SYTL2: variants seen among roughly 807,000 people sequenced by gnomAD.
SYTL2 encodes synaptotagmin like 2.
SYTL2 carries 165 observed loss-of-function variants against 198.7 expected under a neutral mutation model. That is an observed-to-expected ratio of 0.83 (90% CI 0.73 to 0.94). SYTL2 has a LOEUF of 0.94. Among genes scored for constraint, SYTL2 ranks in the 40% least tolerant of loss-of-function variants. The pLI is 0.00. For missense variants in SYTL2, 2,835 were observed against 2,582.8 expected (o/e 1.10, Z -2.12); for synonymous variants, 966 against 917.7 (o/e 1.05, Z -0.95).
intron 1 of SYTL2, among the ~76,000 whole-genome samples, chr11:85,806,796 A>C (rs572463064): frequency 6.6e-6 from 1 of 152,382 alleles, no homozygotes; most frequent in East Asian, 1.9e-4. Flanking sequence ...ACCCAGAATC[A>C]GACTTTTAAG....
chr11:85,836,043 T>C, the SYTL2 span, among the ~76,000 whole-genome samples: 1 of 152,182 alleles, frequency 6.6e-6, no homozygotes, highest in Non-Finnish European at 1.5e-5. Context: ...ACTTGTCTTC[T>C]GTCACCTGCG....
In SYTL2 at chr11:85,757,722, T is replaced by C. The variant is rs2091949011; in HGVS notation, c.4A>G (p.Ile2Val). The change falls in exon 2 of 20, where the codon ATT (isoleucine) becomes GTT (valine). Residue 2 changes from isoleucine (I) to valine (V), a missense_variant. By Grantham distance (29) the Ile-to-Val change is conservative (BLOSUM62 3). This residue lies in a region of SYTL2 where 2,645 missense variants were observed against 2,381.7 expected (regional missense o/e 1.11). Coordinates refer to ENST00000359152, the MANE Select transcript of SYTL2 (RefSeq NM_206927.4). ...TCTTCAGTCAGGAAGCTTAAGTCAATCATTTTGAAAAGTGCATGCAAAAAT... is the reference window on the plus strand; with the variant it reads ...TCTTCAGTCAGGAAGCTTAAGTCAACCATTTTGAAAAGTGCATGCAAAAAT... M[I>V]DLSFLTEEEQ... The C allele has an allele frequency of 6.2e-7, 1 of 1,612,268 alleles. No homozygotes were observed. Among genetic ancestry groups the C allele is most frequent in the Non-Finnish European group, 8.5e-7 (1 of 1,179,914 alleles).
At chr11:85,849,648 C>A in the SYTL2 span, among the ~76,000 whole-genome samples, 132 of 149,784 alleles carry the variant, frequency 8.8e-4, no homozygotes, top group African/African-American at 3.1e-3. Flanking sequence ...TGATCTATAT[C>A]TCTGTTTTGG....
Position 85,726,142 on chromosome 11 carries a change from A to G in SYTL2, c.3216T>C (p.Ser1072=), listed in dbSNP as rs766026432. Reference sequence around the variant, plus strand: ...ACTGATAAGTATACTTTCTAAGTGGACTCAAAGGAAATGTGATTTCATCTG... The same window carrying G: ...ACTGATAAGTATACTTTCTAAGTGGGCTCAAAGGAAATGTGATTTCATCTG... ...VLPDEITFPL[S]PLRKYTYQLP... The change falls in exon 8 of 20, where the codon AGT becomes AGC. Residue 1072 remains serine, a synonymous_variant. Coordinates refer to ENST00000359152, the MANE Select transcript of SYTL2 (RefSeq NM_206927.4). 1.9e-6 allele frequency: 3 copies of G among 1,613,838 alleles called. No homozygotes were observed. In the African/African-American group the frequency reaches 4.0e-5, roughly 22 times the overall value.
rs769337661 is a variant in SYTL2 at position 85,726,427 on chromosome 11, A to G, written c.2931T>C (p.Tyr977=). ...TCAAATTCTCAAACTGAGAGGGATT[A>G]TAGACCTGTTCTGCATTGGGTTCAT... is the stretch of plus-strand genomic sequence containing the variant. The part of the protein sequence containing the change: ...RMDEPNAEQV[Y]NPSQFENLRK... The change falls in exon 8 of 20, where the codon TAT becomes TAC. Residue 977 remains tyrosine, a synonymous_variant. Transcript: ENST00000359152. The G allele has an allele frequency of 1.2e-6, 2 of 1,613,520 alleles. No individual in the cohort carries two copies. The highest frequency in any genetic ancestry group is 2.2e-5 in the South Asian group (2 of 90,920).
chr11:85,822,305 C>T, the SYTL2 span, among the ~76,000 whole-genome samples: 1 of 152,154 alleles, frequency 6.6e-6, no homozygotes, highest in Non-Finnish European at 1.5e-5. Context: ...GAGCTTGGAG[C>T]CCACCCCTTG....
At chr11:85,848,157 T>C in the SYTL2 span, among the ~76,000 whole-genome samples, 1 of 152,054 alleles carries the variant, frequency 6.6e-6, no homozygotes, top group Non-Finnish European at 1.5e-5. Context: ...GGAGGATCAC[T>C]TAAGCTTGAG....
At chr11:85,779,633 A>G (rs1374379210) in intron 1 of SYTL2, among the ~76,000 whole-genome samples, 2 of 111,006 alleles carry the variant, frequency 1.8e-5, no homozygotes, top group Non-Finnish European at 4.2e-5. Context: ...AAAACTCATC[A>G]AGTGTTTTTT....
At chr11:85,844,803 C>T in the SYTL2 span, among the ~76,000 whole-genome samples, 1,368 of 152,186 alleles carry the variant, frequency 9.0e-3, 22 homozygotes, top group African/African-American at 0.032. Context: ...TGTTCCCAGC[C>T]TCCTCTACAC....
the SYTL2 span, among the ~76,000 whole-genome samples, chr11:85,820,177 G>A: frequency 6.6e-6 from 1 of 152,090 alleles, no homozygotes; most frequent in Non-Finnish European, 1.5e-5. Context: ...ATCACCAATA[G>A]AAATCTCACA....
At chr11:85,719,201 T>C in intron 9 of SYTL2, 1 of 1,246,966 alleles carries the variant, frequency 8.0e-7, no homozygotes. Flanking sequence ...ACTAACACCT[T>C]CCCAAACCCA....
the SYTL2 span, among the ~76,000 whole-genome samples, chr11:85,836,303 C>T: frequency 6.6e-6 from 1 of 151,840 alleles, no homozygotes; most frequent in African/African-American, 2.4e-5. Flanking sequence ...GTCTCCTTTC[C>T]AATTCTCTGT....
At chr11:85,844,904 C>T in the SYTL2 span, among the ~76,000 whole-genome samples, 1 of 152,184 alleles carries the variant, frequency 6.6e-6, no homozygotes, top group East Asian at 1.9e-4. Flanking sequence ...ACTTGCTTCT[C>T]CAGCCTCCTG....
At chr11:85,833,382 C>CAT in the SYTL2 span, among the ~76,000 whole-genome samples, 3,095 of 146,900 alleles carry the variant, frequency 0.021, 104 homozygotes, top group African/African-American at 0.071. Flanking sequence ...TGATATATCT[C>CAT]ATATATATAT....
At position 85,801,822 on chromosome 11, in the gene SYTL2, C is replaced by CT. The variant is rs1289583115; in HGVS notation, c.-390+9131dup. Among the ~76,000 whole-genome samples the CT allele has an allele frequency of 6.3e-3, 868 of 137,380 alleles. 10 individuals carry two copies. Among genetic ancestry groups the CT allele is most frequent in the East Asian group, 0.017 (79 of 4,762 alleles). 90.1% of individuals were successfully genotyped at this position (137,380 alleles called of 152,430 possible). On this transcript the variant is annotated intron_variant, in intron 1 of 19. Coordinates refer to ENST00000359152, the MANE Select transcript of SYTL2 (RefSeq NM_206927.4). ...CCAACTCAGTAGTCTCTTCCCCGTTCTTTTTTTTTTTTTTTTCAGATGGAG... is the reference window on the plus strand; with the variant it reads ...CCAACTCAGTAGTCTCTTCCCCGTTCTTTTTTTTTTTTTTTTTCAGATGGAG...
At chr11:85,842,253 T>G in the SYTL2 span, among the ~76,000 whole-genome samples, 3 of 152,224 alleles carry the variant, frequency 2.0e-5, no homozygotes, top group Non-Finnish European at 4.4e-5. Flanking sequence ...CCTTAGCTTC[T>G]TCCTGTAAGC....
intron 3 of SYTL2, among the ~76,000 whole-genome samples, chr11:85,746,348 G>A (rs897626164): frequency 1.3e-5 from 2 of 152,118 alleles, no homozygotes; most frequent in Non-Finnish European, 2.9e-5. Context: ...AAACCTCTGT[G>A]CTCCTGCTTC....
At chr11:85,723,353 AG>A (rs1199896486) in intron 8 of SYTL2, among the ~76,000 whole-genome samples, 1 of 152,234 alleles carries the variant, frequency 6.6e-6, no homozygotes, top group African/African-American at 2.4e-5. Context: ...TACTCTAGAA[AG>A]GGAAGATTGT....
chr11:85,756,026 G>T (rs1014179007), intron 2 of SYTL2, among the ~76,000 whole-genome samples: 1 of 152,136 alleles, frequency 6.6e-6, no homozygotes, highest in Admixed American at 6.5e-5. Flanking sequence ...TATGCTTAAA[G>T]AATCAATATT....
Sources: gnomAD v4.1 joint callset for allele counts (sites outside exome capture counted in the v4.1 genomes callset) on GRCh38, gnomAD v4.1.1 for gene constraint, gnomAD v4.1.1 regional missense constraint, MANE v1.5 for transcripts, NCBI Gene and HGNC (gene_info 2026-07-23, HGNC 2026-07-21) for gene names.